ODR4: variants seen among roughly 807,000 people sequenced by gnomAD.
The protein encoded by ODR4 is protein odr-4 homolog.
Under a neutral mutation model 60.2 loss-of-function variants are expected in ODR4, and 47 were observed. The ratio of observed to expected loss-of-function variants is 0.78; its 90% CI spans 0.62 to 1.00. ODR4 has a LOEUF of 1.00. ODR4 is among the 50% of genes least tolerant of loss of function. ODR4 has a pLI of 0.00. For missense variants in ODR4, 488 were observed against 530.8 expected (o/e 0.92, Z 0.79); for synonymous variants, 178 against 175.5 (o/e 1.01, Z -0.11).
chr1:186,414,559 G>T (rs1162909366), intron 12 of ODR4, among the ~76,000 whole-genome samples: 3 of 145,074 alleles, frequency 2.1e-5, no homozygotes, highest in South Asian at 4.3e-4. Flanking sequence ...TTGCTCTGTT[G>T]CCCAGGCTGG....
chr1:186,407,254 C>T (rs1661208436), intron 12 of ODR4, among the ~76,000 whole-genome samples: 1 of 152,110 alleles, frequency 6.6e-6, no homozygotes, highest in South Asian at 2.1e-4. Context: ...ACAACTCTAG[C>T]ATAGTTCCAT....
chr1:186,411,819 A>G (rs1324101306), intron 12 of ODR4: 3 of 960,456 alleles, frequency 3.1e-6, no homozygotes, highest in Non-Finnish European at 3.7e-6. Flanking sequence ...AGTCTAGTAT[A>G]GAGATGGATT....
At position 186,419,949 on chromosome 1, in the gene ODR4, A is replaced by G. The variant is rs1212116961; in HGVS notation, c.*873A>G. ...AAGTCCCATTAGTAAGAAATGACAT[A>G]AAATACGTGCTTTCTCAGGTTACTG... On this transcript the variant is annotated 3_prime_UTR_variant, in exon 14 of 14. Transcript: ENST00000287859. 3 of 152,150 alleles carry G rather than the reference A, an allele frequency of 2.0e-5. No homozygotes were observed. The highest frequency in any genetic ancestry group is 2.9e-5 in the Non-Finnish European group (2 of 68,020). 9.4% of individuals were successfully genotyped at this position (152,150 alleles called of 1,614,324 possible).
intron 2 of ODR4, 100 bp from the exon 3 acceptor site, chr1:186,382,920 TCA>T: frequency 5.0e-6 from 6 of 1,188,428 alleles, no homozygotes; most frequent in Non-Finnish European, 6.9e-6. Context: ...CAAATATTAC[TCA>T]GTTTTTGCAT....
At chr1:186,425,224 A>G (rs1457073618), downstream of ODR4, among the ~76,000 whole-genome samples, 3 of 152,166 alleles carry the variant, frequency 2.0e-5, no homozygotes, top group East Asian at 1.9e-4. Context: ...CACCTTTACT[A>G]CAGTTTCCCT....
chr1:186,399,160 A>T (rs769316871), intron 11 of ODR4, 116 bp downstream of exon 11: 1 of 759,248 alleles, frequency 1.3e-6, no homozygotes, highest in Admixed American at 2.0e-5. Flanking sequence ...TTCAAGCAGT[A>T]TATCATCTTT....
chr1:186,381,619 G>GC (rs1038024995), intron 2 of ODR4, among the ~76,000 whole-genome samples: 2 of 152,026 alleles, frequency 1.3e-5, no homozygotes, highest in Non-Finnish European at 2.9e-5. Flanking sequence ...GAGCCACCGC[G>GC]CCCGGCCTAA....
At chr1:186,394,623 C>G (rs1231954712) in intron 9 of ODR4, among the ~76,000 whole-genome samples, 1 of 152,136 alleles carries the variant, frequency 6.6e-6, no homozygotes, top group African/African-American at 2.4e-5. Flanking sequence ...TATAAAATAG[C>G]AAACGCGTGT....
At chr1:186,432,292 A>C in the ODR4 span, among the ~76,000 whole-genome samples, 41 of 152,210 alleles carry the variant, frequency 2.7e-4, no homozygotes, top group African/African-American at 9.1e-4. Flanking sequence ...CTAATATTTT[A>C]TTTAAATTTT....
At chr1:186,395,385 G>A (rs756384633) in intron 9 of ODR4, among the ~76,000 whole-genome samples, 8 of 152,138 alleles carry the variant, frequency 5.3e-5, no homozygotes, top group Middle Eastern at 3.4e-3. Flanking sequence ...GAGCCACCGC[G>A]CCTGGCCAGG....
intron 3 of ODR4, among the ~76,000 whole-genome samples, chr1:186,383,678 G>GATATATATATATATAT (rs60229243): frequency 0.051 from 7,147 of 140,036 alleles, 282 homozygotes; most frequent in Non-Finnish European, 0.076. Context: ...TGTGTATGTA[G>GATATATATATATATAT]ATATATATAT....
At chr1:186,416,593 A>G (rs1661574118) in intron 12 of ODR4, among the ~76,000 whole-genome samples, 1 of 152,046 alleles carries the variant, frequency 6.6e-6, no homozygotes, top group Non-Finnish European at 1.5e-5. Flanking sequence ...AATTGCTTGA[A>G]CCTGGAAGGT....
rs1661751109 is a variant in ODR4, at chr1:186,420,946, G to A, written c.*1870G>A. ...AATAAAATCCAGGCCTAGACTCAAG[G>A]TATTGTAAATGACAAGATACCAAAT... On this transcript the variant is annotated 3_prime_UTR_variant, in exon 14 of 14. Coordinates refer to ENST00000287859, the MANE Select transcript of ODR4 (RefSeq NM_017847.6). 6.6e-6 allele frequency: 1 copy of A among 152,118 alleles called. No homozygotes were observed. The highest frequency in any genetic ancestry group is 6.5e-5 in the Admixed American group (1 of 15,276). The allele number at this position is 152,118 out of a possible 1,614,324, so 9.4% of individuals were successfully genotyped here.
intron 12 of ODR4, among the ~76,000 whole-genome samples, chr1:186,416,855 CAAAAAAA>C (rs71104859): frequency 1.0e-4 from 9 of 85,720 alleles, no homozygotes; most frequent in Admixed American, 4.1e-4. Flanking sequence ...GATTCTGTCT[CAAAAAAA>C]AAAAAAAAAA....
chr1:186,412,461 G>A (rs1436653366), intron 12 of ODR4, among the ~76,000 whole-genome samples: 3 of 152,024 alleles, frequency 2.0e-5, no homozygotes, highest in Non-Finnish European at 2.9e-5. Context: ...CCAAGAATAT[G>A]ACTTACCTAG....
At chr1:186,418,741 T>C (rs970046060) in intron 13 of ODR4, among the ~76,000 whole-genome samples, 1 of 152,222 alleles carries the variant, frequency 6.6e-6, no homozygotes, top group Non-Finnish European at 1.5e-5. Context: ...GTGTTTGTTA[T>C]TTTTTCTCTT....
rs1469263600 is a variant in ODR4 at position 186,419,729 on chromosome 1, T to C, written c.*653T>C. 6.6e-6 allele frequency: 1 copy of C among 151,214 alleles called. No homozygotes were observed. The highest frequency in any genetic ancestry group is 1.5e-5 in the Non-Finnish European group (1 of 67,826). 9.4% of individuals were successfully genotyped at this position (151,214 alleles called of 1,614,324 possible). The stretch of plus-strand genomic sequence containing the variant: ...ATTGTCTCTAAAATACATAAGTAAA[T>C]TTAAAAAAAAAAGAATAATAATTTG... On this transcript the variant is annotated 3_prime_UTR_variant, in exon 14 of 14. Transcript: ENST00000287859.
chr1:186,388,359 G>A (rs1660328928), intron 4 of ODR4, 83 bp from the exon 5 acceptor site: 8 of 700,156 alleles, frequency 1.1e-5, no homozygotes, highest in Middle Eastern at 4.0e-4. Flanking sequence ...AATGAGAGTT[G>A]GGGACATTAT....
intron 2 of ODR4, among the ~76,000 whole-genome samples, chr1:186,380,948 C>T (rs1659996467): frequency 1.3e-5 from 2 of 152,174 alleles, no homozygotes; most frequent in African/African-American, 4.8e-5. Flanking sequence ...AAGACAGGCT[C>T]ATTTTCAGAA....
Sources: allele counts gnomAD v4.1 joint callset (sites outside exome capture counted in the v4.1 genomes callset), GRCh38; gene constraint gnomAD v4.1.1; transcripts MANE v1.5; gene names NCBI Gene and HGNC (gene_info 2026-07-23, HGNC 2026-07-21).